MECOM: variants seen among roughly 807,000 people sequenced by gnomAD.
MECOM encodes the protein histone-lysine N-methyltransferase MECOM.
MECOM carries 13 observed loss-of-function variants against 116.3 expected under a neutral mutation model. That is an observed-to-expected ratio of 0.11 (90% CI 0.07 to 0.18). The LOEUF is 0.18. Among genes scored for constraint, MECOM ranks in the 10% least tolerant of loss-of-function variants. The pLI, the probability that MECOM is intolerant of heterozygous loss-of-function variation, is 1.00. For synonymous variants in MECOM, 528 were observed against 535.2 expected, an observed-to-expected ratio of 0.99 and a Z score of 0.19; for missense variants, 1,299 against 1,509.0, an observed-to-expected ratio of 0.86 and a Z score of 2.31.
At chr3:169,370,590 C>T (rs78509299) in intron 2 of MECOM, among the ~76,000 whole-genome samples, 3 of 151,716 alleles carry the variant, frequency 2.0e-5, no homozygotes, top group East Asian at 1.9e-4. Flanking sequence ...CAAAGAAAAC[C>T]TATGGAATGG....
chr3:169,311,358 A>C (rs903259797), intron 2 of MECOM, among the ~76,000 whole-genome samples: 15 of 152,236 alleles, frequency 9.9e-5, no homozygotes, highest in African/African-American at 2.9e-4. Context: ...ACTTTCTTTA[A>C]ATGGGACTTT....
intron 1 of MECOM, among the ~76,000 whole-genome samples, chr3:169,557,064 C>T (rs1220454863): frequency 6.6e-6 from 1 of 152,134 alleles, no homozygotes; most frequent in African/African-American, 2.4e-5. Flanking sequence ...ACAATTACAA[C>T]CCCACCTCAT....
At chr3:169,243,529 A>C (rs1285157146) in intron 2 of MECOM, among the ~76,000 whole-genome samples, 3 of 152,026 alleles carry the variant, frequency 2.0e-5, no homozygotes, top group Non-Finnish European at 4.4e-5. Flanking sequence ...TTATAAGAAA[A>C]ACGACAATAT....
intron 1 of MECOM, among the ~76,000 whole-genome samples, chr3:169,401,010 C>A (rs938995552): frequency 3.3e-5 from 5 of 152,126 alleles, no homozygotes; most frequent in African/African-American, 7.2e-5. Context: ...AGTGCCATAC[C>A]CTGTCTGAGG....
intron 1 of MECOM, among the ~76,000 whole-genome samples, chr3:169,621,540 T>C (rs546075401): frequency 6.6e-6 from 1 of 152,298 alleles, no homozygotes; most frequent in Non-Finnish European, 1.5e-5. Flanking sequence ...GCAGATTACC[T>C]GAGGTCAGGA....
chr3:169,103,921 C>T lies in MECOM; in HGVS notation c.2605-1695G>A, dbSNP rs1186866193. The stretch of plus-strand genomic sequence containing the variant: ...GGAGCCTGCCCTCTCATTTCATGCC[C>T]GGACTCCTAATGTTAGCTACAAATT... On this transcript the variant is annotated intron_variant, in intron 10 of 16. Coordinates refer to ENST00000651503, the MANE Select transcript of MECOM (RefSeq NM_004991.4). Among the ~76,000 whole-genome samples the T allele has an allele frequency of 4.6e-5, 7 of 152,088 alleles. No individual in the cohort carries two copies. In the South Asian group the frequency reaches 6.2e-4, roughly 13 times the overall value.
chr3:169,435,590 C>T (rs1229608951), intron 1 of MECOM, among the ~76,000 whole-genome samples: 1 of 152,178 alleles, frequency 6.6e-6, no homozygotes, highest in African/African-American at 2.4e-5. Flanking sequence ...CTAAGAAATT[C>T]TGCCAGCAAC....
At chr3:169,211,987 C>T (rs1750785587) in intron 2 of MECOM, among the ~76,000 whole-genome samples, 1 of 152,144 alleles carries the variant, frequency 6.6e-6, no homozygotes, top group Non-Finnish European at 1.5e-5. Context: ...CATCTGTTTT[C>T]CCATGCCAAA....
intron 1 of MECOM, among the ~76,000 whole-genome samples, chr3:169,437,742 C>G (rs1742903905): frequency 6.6e-6 from 1 of 152,118 alleles, no homozygotes; most frequent in Non-Finnish European, 1.5e-5. Context: ...TCTCCAGGTG[C>G]TAAAGGGGGT....
chr3:169,445,114 A>G (rs1470200902), intron 1 of MECOM, among the ~76,000 whole-genome samples: 3 of 152,216 alleles, frequency 2.0e-5, no homozygotes, highest in Non-Finnish European at 4.4e-5. Context: ...CTGATGATGC[A>G]GTAGAAAAGA....
chr3:169,094,131 G>T (rs1267680836), intron 13 of MECOM, among the ~76,000 whole-genome samples: 1 of 152,058 alleles, frequency 6.6e-6, no homozygotes, highest in Non-Finnish European at 1.5e-5. Context: ...TGAGGGAGAC[G>T]AACAGTATAT....
chr3:169,440,281 G>A (rs1274034442), intron 1 of MECOM, among the ~76,000 whole-genome samples: 1 of 151,998 alleles, frequency 6.6e-6, no homozygotes, highest in East Asian at 1.9e-4. Context: ...AGAAAATTTT[G>A]CTTGGCTGTA....
At chr3:169,330,224 A>G (rs915730521) in intron 2 of MECOM, among the ~76,000 whole-genome samples, 2 of 152,084 alleles carry the variant, frequency 1.3e-5, no homozygotes, top group Non-Finnish European at 2.9e-5. Context: ...GGGTCTCACT[A>G]TGTTGCCTGG....
At chr3:169,595,157 T>C (rs1766986936) in intron 1 of MECOM, among the ~76,000 whole-genome samples, 1 of 152,168 alleles carries the variant, frequency 6.6e-6, no homozygotes, top group South Asian at 2.1e-4. Flanking sequence ...TAAATTATTA[T>C]TATTAATTAA....
chr3:169,343,005 G>A (rs370735648), intron 2 of MECOM, among the ~76,000 whole-genome samples: 75 of 152,188 alleles, frequency 4.9e-4, no homozygotes, highest in East Asian at 4.6e-3. Flanking sequence ...GTTCCCCTCC[G>A]TTCTAAAGAG....
intron 16 of MECOM, among the ~76,000 whole-genome samples, chr3:169,087,566 C>T (rs1718223492): frequency 6.6e-6 from 1 of 152,144 alleles, no homozygotes; most frequent in East Asian, 1.9e-4. Context: ...CACTGCACTC[C>T]AGTCTTAGCA....
intron 1 of MECOM, among the ~76,000 whole-genome samples, chr3:169,633,530 G>A (rs1184590416): frequency 6.6e-6 from 1 of 152,174 alleles, no homozygotes; most frequent in Non-Finnish European, 1.5e-5. Context: ...CTTGGAGGGT[G>A]TGGGCATCAC....
chr3:169,295,966 C>G (rs1715518494), intron 2 of MECOM, among the ~76,000 whole-genome samples: 1 of 152,194 alleles, frequency 6.6e-6, no homozygotes, highest in Admixed American at 6.5e-5. Flanking sequence ...TCTCATACAA[C>G]AGTAACATAT....
chr3:169,267,685 A>G (rs1758477297), intron 2 of MECOM, among the ~76,000 whole-genome samples: 1 of 152,158 alleles, frequency 6.6e-6, no homozygotes, highest in African/African-American at 2.4e-5. Flanking sequence ...TGTGTTCTCC[A>G]TACTCCCTAG....
Sources: gnomAD v4.1 joint callset for allele counts (sites outside exome capture counted in the v4.1 genomes callset) on GRCh38, gnomAD v4.1.1 for gene constraint, MANE v1.5 for transcripts, NCBI Gene and HGNC (gene_info 2026-07-23, HGNC 2026-07-21) for gene names.